Variants in KANSL1 observed in about 807,000 individuals in gnomAD.
KANSL1 encodes the protein MLL1/MLL complex subunit KANSL1.
In KANSL1, 22 loss-of-function variants were observed where a neutral mutation model predicts 103.6. That is an observed-to-expected ratio of 0.21 (90% CI 0.15 to 0.30). The LOEUF is 0.30. Among genes scored for constraint, KANSL1 ranks in the 10% least tolerant of loss-of-function variants. The pLI is 1.00. For missense variants in KANSL1, 1,337 were observed against 1,399.8 expected, an observed-to-expected ratio of 0.96 and a Z score of 0.72; for synonymous variants, 600 against 527.6, an observed-to-expected ratio of 1.14 and a Z score of -1.88.
In KANSL1 at chr17:46,039,221, G is replaced by A; in HGVS notation, c.2204-6C>T. 6.4e-7 allele frequency: 1 copy of A among 1,554,040 alleles called. No individual in the cohort carries two copies. Among genetic ancestry groups the A allele is most frequent in the Non-Finnish European group, 8.6e-7 (1 of 1,156,202 alleles). ...GGTTTGGTGATGGGACAGCTCTGAA[G>A]AGGGGAACAGAAAAAGAGCTGTGAA... On this transcript the variant is annotated splice_region_variant and splice_polypyrimidine_tract_variant and intron_variant, in intron 8 of 14. Transcript: ENST00000432791.
At chr17:46,083,392 T>C (rs1238550410) in intron 3 of KANSL1, among the ~76,000 whole-genome samples, 3 of 152,170 alleles carry the variant, frequency 2.0e-5, no homozygotes, top group Non-Finnish European at 4.4e-5. Context: ...AATAGAGATC[T>C]AACTAGATTA....
intron 2 of KANSL1, among the ~76,000 whole-genome samples, chr17:46,167,556 A>T (rs1440114883): frequency 6.6e-6 from 1 of 152,260 alleles, no homozygotes. Context: ...CAAAGCAGTT[A>T]TATTTCCACT....
chr17:46,119,726 T>C (rs185555792), intron 2 of KANSL1, among the ~76,000 whole-genome samples: 5 of 152,378 alleles, frequency 3.3e-5, no homozygotes, highest in African/African-American at 1.2e-4. Context: ...TTCACCTTCC[T>C]GCTCAGGCTG....
At chr17:46,148,279 T>A (rs1193031125) in intron 2 of KANSL1, 1 of 152,256 alleles carries the variant, frequency 6.6e-6, no homozygotes, top group African/African-American at 2.4e-5. Context: ...CTCTCATGAT[T>A]TGAAGAGAAC....
chr17:46,100,796 T>C (rs1220031892), intron 2 of KANSL1, among the ~76,000 whole-genome samples: 3 of 152,244 alleles, frequency 2.0e-5, no homozygotes, highest in African/African-American at 7.2e-5. Context: ...TATGCTTCTC[T>C]TCCCTGATGT....
chr17:46,176,037 T>TCC (rs1158095491), intron 1 of KANSL1, among the ~76,000 whole-genome samples: 2 of 152,186 alleles, frequency 1.3e-5, no homozygotes, highest in Non-Finnish European at 2.9e-5. Flanking sequence ...TTCAATCTCC[T>TCC]CCCCTTTTGA....
At position 46,182,317 on chromosome 17, in the gene KANSL1, T is replaced by G. The variant is rs1331798010; in HGVS notation, c.-89-10085A>C. 3.3e-5 allele frequency among the ~76,000 whole-genome samples: 5 copies of G among 152,304 alleles called. No individual in the cohort carries two copies. In the East Asian group the frequency reaches 9.7e-4, roughly 29 times the overall value. On this transcript the variant is annotated intron_variant, in intron 1 of 14. Coordinates refer to ENST00000432791, the MANE Select transcript of KANSL1 (RefSeq NM_015443.4). ...CACAAAACAACTTGCATGAATCAGG[T>G]GGTATATGTACAGCTTCTCAAGAGA... is the stretch of plus-strand genomic sequence containing the variant.
At position 46,192,495 on chromosome 17, in the gene KANSL1, G is replaced by C. The variant is rs556265760; in HGVS notation, c.-90+328C>G. 8 of 152,950 alleles carry C rather than the reference G, an allele frequency of 5.2e-5. 1 individual carries two copies. In the South Asian group the frequency reaches 8.3e-4, roughly 16 times the overall value. 9.5% of individuals were successfully genotyped at this position (152,950 alleles called of 1,614,324 possible). ...CAAGAGAAGTTCAAGGCGAGAGCCA[G>C]AGTTTGTTTGGGGGGTTCTTTTACG... On this transcript the variant is annotated intron_variant, in intron 1 of 14. Coordinates refer to ENST00000432791, the MANE Select transcript of KANSL1 (RefSeq NM_015443.4).
At chr17:46,172,937 T>TC (rs1245023688) in intron 1 of KANSL1, among the ~76,000 whole-genome samples, 1 of 152,216 alleles carries the variant, frequency 6.6e-6, no homozygotes, top group Non-Finnish European at 1.5e-5. Flanking sequence ...TATCTCTCTT[T>TC]CCCTTTACCC....
rs1349043891 is a variant in KANSL1, at chr17:46,030,665, G to C, written c.*811C>G. 2 of 151,994 alleles carry C rather than the reference G, an allele frequency of 1.3e-5. No individual in the cohort carries two copies. Among genetic ancestry groups the C allele is most frequent in the Non-Finnish European group, 2.9e-5 (2 of 68,022 alleles). 9.4% of individuals were successfully genotyped at this position (151,994 alleles called of 1,614,324 possible). A position where few individuals can be genotyped will look rare whatever the true frequency, so the allele number is the denominator to read the frequency against. On this transcript the variant is annotated 3_prime_UTR_variant, in exon 15 of 15. Coordinates refer to ENST00000432791, the MANE Select transcript of KANSL1 (RefSeq NM_015443.4). The stretch of plus-strand genomic sequence containing the variant: ...CCCAGTTTGCAGGGGAGTGGGAATA[G>C]AGGTTAAGTAGTCCTAACCCTACCT...
intron 6 of KANSL1, among the ~76,000 whole-genome samples, chr17:46,054,517 G>C (rs1366303495): frequency 1.3e-5 from 2 of 152,176 alleles, no homozygotes; most frequent in Non-Finnish European, 2.9e-5. Context: ...ACAGTAATCA[G>C]TGTAAATCTT....
intron 6 of KANSL1, among the ~76,000 whole-genome samples, chr17:46,062,806 T>C (rs1013767438): frequency 6.6e-6 from 1 of 151,724 alleles, no homozygotes; most frequent in Non-Finnish European, 1.5e-5. Context: ...TCCCAGCACT[T>C]TGGGAGGCCG....
intron 2 of KANSL1, among the ~76,000 whole-genome samples, chr17:46,112,155 T>A (rs2042836856): frequency 6.6e-6 from 1 of 151,954 alleles, no homozygotes. Flanking sequence ...TTGCCTGAGG[T>A]CAGGAGTTCA....
chr17:46,175,310 CTGTGTGTGTGTGTGTG>C (rs71138529), intron 1 of KANSL1, among the ~76,000 whole-genome samples: 11,751 of 137,902 alleles, frequency 0.085, 3 homozygotes, highest in Middle Eastern at 0.15. Flanking sequence ...TGTCTTATTG[CTGTGTGTGTGTGTGTG>C]TGTGTGTGTG....
intron 7 of KANSL1, 133 bp downstream of exon 7, chr17:46,050,399 TA>T: frequency 1.1e-6 from 1 of 901,792 alleles, no homozygotes; most frequent in South Asian, 1.8e-5. Context: ...TGCAAAATTC[TA>T]AGAGAAGACT....
At chr17:46,111,550 A>G (rs769758152) in intron 2 of KANSL1, among the ~76,000 whole-genome samples, 4 of 152,240 alleles carry the variant, frequency 2.6e-5, no homozygotes, top group Non-Finnish European at 5.9e-5. Context: ...ACCAATTATT[A>G]AAATTGCCAT....
At chr17:46,134,677 C>CA (rs139940720) in intron 2 of KANSL1, among the ~76,000 whole-genome samples, 1,742 of 148,806 alleles carry the variant, frequency 0.012, 29 homozygotes, top group African/African-American at 0.04. Context: ...CCACCTCTAC[C>CA]AAAAAAAAAA....
chr17:46,055,779 T>C (rs529006856), intron 6 of KANSL1, among the ~76,000 whole-genome samples: 1 of 152,226 alleles, frequency 6.6e-6, no homozygotes, highest in Admixed American at 6.5e-5. Context: ...TGCCCTCGGT[T>C]AAGAAACAGA....
intron 2 of KANSL1, among the ~76,000 whole-genome samples, chr17:46,108,631 G>A (rs997933655): frequency 2.0e-5 from 3 of 152,186 alleles, no homozygotes. Context: ...GCAAATGGCA[G>A]GTACTCAAAT....
Sources: allele counts gnomAD v4.1 joint callset (sites outside exome capture counted in the v4.1 genomes callset), GRCh38; gene constraint gnomAD v4.1.1; transcripts MANE v1.5; gene names NCBI Gene and HGNC (gene_info 2026-07-23, HGNC 2026-07-21).